SLC38A8: variants seen among roughly 807,000 people sequenced by gnomAD.
The protein encoded by SLC38A8 is amino acid transporter SLC38A8.
Under a neutral mutation model 46.0 loss-of-function variants are expected in SLC38A8, and 65 were observed. The observed-to-expected ratio is 1.41, with a 90% CI of 1.16 to 1.74. The LOEUF is 1.74. SLC38A8 is among the 40% of genes most tolerant of loss of function. The pLI, the probability that SLC38A8 is intolerant of heterozygous loss-of-function variation, is 0.00. For synonymous variants in SLC38A8, 447 were observed against 243.7 expected (o/e 1.83, Z -7.77); for missense variants, 998 against 567.9 (o/e 1.76, Z -7.70).
chr16:84,010,067 A>ATTTT (rs397855804), intron 10 of SLC38A8, among the ~76,000 whole-genome samples, 190 bp from the exon 11 acceptor site: 7,735 of 111,768 alleles, frequency 0.069, 477 homozygotes, highest in African/African-American at 0.12. Flanking sequence ...TACCCAGGCA[A>ATTTT]TTTTTTTTTT....
Position 84,031,905 on chromosome 16 carries a change from C to A in SLC38A8, c.594G>T (p.Trp198Cys), listed in dbSNP as rs1247165219. Reference sequence around the variant, plus strand: ...GGGACTCACGCACGAGGCCCTGGGGCCAGAGGTAGTACTGCACGGTGATGA... The same window carrying A: ...GGGACTCACGCACGAGGCCCTGGGGACAGAGGTAGTACTGCACGGTGATGA... ...ALVITVQYYL[W>C]PQGLVRESHP... Residue 198 changes from tryptophan to cysteine, a missense_variant, in exon 5 of 11, where the codon TGG (tryptophan) becomes TGT (cysteine). Coordinates refer to ENST00000299709, the MANE Select transcript of SLC38A8 (RefSeq NM_001080442.3). 6.2e-7 allele frequency: 1 copy of A among 1,614,198 alleles called. No individual in the cohort carries two copies. Among genetic ancestry groups the A allele is most frequent in the Admixed American group, 1.7e-5 (1 of 60,026 alleles).
At chr16:84,026,522 C>A (rs2085166524) in intron 6 of SLC38A8, among the ~76,000 whole-genome samples, 1 of 152,262 alleles carries the variant, frequency 6.6e-6, no homozygotes, top group African/African-American at 2.4e-5. Context: ...CCACCGTGCC[C>A]AGCCTCTACT....
intron 10 of SLC38A8, 94 bp downstream of exon 10, chr16:84,012,907 G>C: frequency 7.3e-7 from 1 of 1,367,388 alleles, no homozygotes; most frequent in Non-Finnish European, 1.0e-6. Flanking sequence ...GCAGGATGCA[G>C]AGGATGAGAA....
chr16:84,031,384 G>T (rs1318608463), intron 5 of SLC38A8, among the ~76,000 whole-genome samples: 1 of 152,128 alleles, frequency 6.6e-6, no homozygotes, highest in East Asian at 1.9e-4. Flanking sequence ...CATCCCTGCT[G>T]TACTCAAAAC....
At position 84,014,009 on chromosome 16, in the gene SLC38A8, C is replaced by A. The variant is rs576270816; in HGVS notation, c.1163-957G>T. On this transcript the variant is annotated intron_variant, in intron 9 of 10. Transcript: ENST00000299709. ...GGAGCCGTGTGGCCACACCCTCAGC[C>A]CTGAAAGCCCCGCCCAGAGCCTGAG... Among the ~76,000 whole-genome samples the A allele has an allele frequency of 6.9e-4, 104 of 150,618 alleles. 1 individual carries two copies. Among genetic ancestry groups the A allele is most frequent in the African/African-American group, 2.5e-3 (102 of 41,050 alleles).
chr16:84,032,195 T>C (rs554178168), intron 4 of SLC38A8, among the ~76,000 whole-genome samples: 2 of 148,384 alleles, frequency 1.3e-5, no homozygotes, highest in Admixed American at 1.4e-4. Context: ...TTTGTTGTTG[T>C]TGTTGTTTTT....
At chr16:84,043,085 G>A (rs879913351), upstream of SLC38A8, among the ~76,000 whole-genome samples, 37 of 152,212 alleles carry the variant, frequency 2.4e-4, no homozygotes, top group Non-Finnish European at 5.0e-4. Flanking sequence ...ACCGTCCGCA[G>A]GTGCTGCCTC....
intron 10 of SLC38A8, among the ~76,000 whole-genome samples, chr16:84,012,780 G>A (rs2084969406): frequency 6.6e-6 from 1 of 152,230 alleles, no homozygotes; most frequent in African/African-American, 2.4e-5. Flanking sequence ...CCCTCAGAGT[G>A]GAAGGGAAGG....
At position 84,033,326 on chromosome 16, in the gene SLC38A8, A is replaced by G. The variant is rs1463272578; in HGVS notation, c.530+2T>C. Reference sequence around the variant, plus strand: ...CCCACCAGGCAGCATCCCAGCCCTTACCTTGTGTATTTCTGGAAGGCGATC... The same window carrying G: ...CCCACCAGGCAGCATCCCAGCCCTTGCCTTGTGTATTTCTGGAAGGCGATC... On this transcript the variant is annotated splice_donor_variant, in intron 4 of 10. Coordinates refer to ENST00000299709, the MANE Select transcript of SLC38A8 (RefSeq NM_001080442.3). LOFTEE classifies it high-confidence loss of function. The G allele has an allele frequency of 1.9e-6, 3 of 1,613,884 alleles. No individual in the cohort carries two copies. The highest frequency in any genetic ancestry group is 2.5e-6 in the Non-Finnish European group (3 of 1,179,936).
chr16:84,018,823 T>A (rs1158945858), intron 7 of SLC38A8, among the ~76,000 whole-genome samples: 1 of 152,170 alleles, frequency 6.6e-6, no homozygotes, highest in Non-Finnish European at 1.5e-5. Context: ...ACAAAGGGGA[T>A]CTGGTCGGGG....
chr16:84,037,645 C>T (rs777657869), intron 2 of SLC38A8, among the ~76,000 whole-genome samples: 2 of 151,898 alleles, frequency 1.3e-5, no homozygotes, highest in Non-Finnish European at 2.9e-5. Context: ...CCTGTAGTCC[C>T]AGCTACTCAT....
intron 6 of SLC38A8, among the ~76,000 whole-genome samples, chr16:84,026,640 G>C (rs1268045364): frequency 6.6e-6 from 1 of 152,340 alleles, no homozygotes; most frequent in South Asian, 2.1e-4. Context: ...AGACGACACA[G>C]TGGCCAAAAA....
rs1455813049 is a variant in SLC38A8 at position 84,022,840 on chromosome 16, A to G, written c.740T>C (p.Leu247Pro). The G allele has an allele frequency of 2.5e-6, 4 of 1,612,334 alleles. No individual in the cohort carries two copies. The Admixed American group carries it at 5.0e-5, about 20-fold the overall frequency. ...CACAGACACCAGGGCCCAGTGGGAG[A>G]GGCTCCGTTTGCGCATGCTGCAGTA... is the stretch of plus-strand genomic sequence containing the variant. Reference protein sequence around the residue: ...SIYCSMRKRSLSHWALVSVLS... With the variant: ...SIYCSMRKRSPSHWALVSVLS... The change falls in exon 7 of 11, where the codon CTC (leucine) becomes CCC (proline). Residue 247 changes from leucine (L) to proline (P), a missense_variant. By Grantham distance (98) the Leu-to-Pro change is moderately conservative (BLOSUM62 -3). Coordinates refer to ENST00000299709, the MANE Select transcript of SLC38A8 (RefSeq NM_001080442.3).
chr16:84,029,544 A>G lies in SLC38A8; in HGVS notation c.640T>C (p.Ser214Pro), dbSNP rs1239910077. ...AAGACACTGAACACAGAGGTCCAGG[A>G]GGCAGGGCTGTAAACAGACAAGAAC... Reference protein sequence around the residue: ...RESHPSLSPASWTSVFSVFPT... With the variant: ...RESHPSLSPAPWTSVFSVFPT... Residue 214 changes from serine (S) to proline (P), a missense_variant, in exon 6 of 11, where the codon TCC becomes CCC. Transcript: ENST00000299709. The G allele has an allele frequency of 1.2e-6, 2 of 1,614,144 alleles. No homozygotes were observed. Among genetic ancestry groups the G allele is most frequent in the East Asian group, 2.2e-5 (1 of 44,878 alleles).
In SLC38A8 at chr16:84,033,422, A is replaced by C; in HGVS notation, c.436T>G (p.Tyr146Asp). ...GGCAGGGTGAAGCGCTGGTCTGCGT[A>C]CCACGGCTGCGGGGCGGGCGGGGTG... ...SGTPPAPQPWYADQRFTLPLL... is the reference protein window; with the variant it reads ...SGTPPAPQPWDADQRFTLPLL... The change falls in exon 4 of 11, where the codon TAC becomes GAC. Residue 146 changes from tyrosine to aspartate, a missense_variant. By Grantham distance (160) the Tyr-to-Asp change is radical. Transcript: ENST00000299709. 6.2e-7 allele frequency: 1 copy of C among 1,612,904 alleles called. No individual in the cohort carries two copies. Among genetic ancestry groups the C allele is most frequent in the African/African-American group, 1.3e-5 (1 of 75,030 alleles).
At chr16:84,037,566 G>A (rs143738578) in intron 2 of SLC38A8, among the ~76,000 whole-genome samples, 1 of 152,106 alleles carries the variant, frequency 6.6e-6, no homozygotes. Context: ...TTTGAGACCA[G>A]CCTGGCCAAC....
In SLC38A8 at chr16:84,022,800, G is replaced by A. The variant is rs150110519; in HGVS notation, c.780C>T (p.Ala260=). ...WALVSVLSLL[A]CCLIYSLTGV... Reference sequence around the variant, plus strand: ...CCGTCAGTGAATAGATGAGGCAGCAGGCCAGCAAGGACAGCACAGACACCA... The same window carrying A: ...CCGTCAGTGAATAGATGAGGCAGCAAGCCAGCAAGGACAGCACAGACACCA... Residue 260 remains alanine, a synonymous_variant, in exon 7 of 11, where the codon GCC becomes GCT. Transcript: ENST00000299709. 1,041 of 1,614,022 alleles carry A rather than the reference G, an allele frequency of 6.4e-4. 1 individual carries two copies. Among genetic ancestry groups the A allele is most frequent in the Non-Finnish European group, 8.6e-4 (1,016 of 1,180,026 alleles).
intron 7 of SLC38A8, 98 bp from the exon 8 acceptor site, chr16:84,017,385 A>T: frequency 7.1e-7 from 1 of 1,417,664 alleles, no homozygotes; most frequent in Non-Finnish European, 9.6e-7. Context: ...ACCACCTAAG[A>T]TTTTCCTTAG....
Position 84,016,666 on chromosome 16 carries a change from C to G in SLC38A8, c.1015G>C (p.Ala339Pro). ...CLGGWGPSALADPSGLWVRMP... is the reference protein window; with the variant it reads ...CLGGWGPSALPDPSGLWVRMP... ...CGGACCCACAGCCCTGAGGGGTCGG[C>G]CAGGGCGCTGGGCCCCCATCCCCCC... The change falls in exon 9 of 11, where the codon GCC (alanine) becomes CCC (proline). Residue 339 changes from alanine to proline, a missense_variant. Coordinates refer to ENST00000299709, the MANE Select transcript of SLC38A8 (RefSeq NM_001080442.3). The G allele has an allele frequency of 6.2e-7, 1 of 1,613,644 alleles. No homozygotes were observed. Among genetic ancestry groups the G allele is most frequent in the South Asian group, 1.1e-5 (1 of 91,072 alleles).
Sources: allele counts gnomAD v4.1 joint callset (sites outside exome capture counted in the v4.1 genomes callset), GRCh38; gene constraint gnomAD v4.1.1; transcripts MANE v1.5; gene names NCBI Gene and HGNC (gene_info 2026-07-23, HGNC 2026-07-21).